TENM3: variants seen among roughly 807,000 people sequenced by gnomAD.
TENM3 encodes the protein teneurin-3.
In TENM3, 63 loss-of-function variants were observed where a neutral mutation model predicts 255.1. The observed-to-expected ratio is 0.25, with a 90% CI of 0.20 to 0.30. The LOEUF (loss-of-function observed/expected upper bound fraction) is 0.30. TENM3 is among the 10% of genes least tolerant of loss of function. The pLI is 1.00. For missense variants in TENM3, 2,929 were observed against 3,461.1 expected (o/e 0.85, Z 3.86); for synonymous variants, 1,306 against 1,322.3 (o/e 0.99, Z 0.27).
At chr4:182,492,061 G>C (rs1352734430) in intron 3 of TENM3, among the ~76,000 whole-genome samples, 1 of 152,134 alleles carries the variant, frequency 6.6e-6, no homozygotes, top group African/African-American at 2.4e-5. Flanking sequence ...TGGGGACAGA[G>C]TATAGAAAAG....
the TENM3 span, among the ~76,000 whole-genome samples, chr4:181,724,295 G>C: frequency 4.6e-5 from 7 of 152,098 alleles, no homozygotes; most frequent in East Asian, 1.9e-4. Context: ...TCTTCAATTA[G>C]AGTAAAATCT....
chr4:181,664,494 A>T, the TENM3 span, among the ~76,000 whole-genome samples: 1 of 152,014 alleles, frequency 6.6e-6, no homozygotes, highest in African/African-American at 2.4e-5. Context: ...AACAAAACAA[A>T]AAAATAGAAT....
chr4:181,938,923 C>T, the TENM3 span, among the ~76,000 whole-genome samples: 1 of 152,160 alleles, frequency 6.6e-6, no homozygotes, highest in African/African-American at 2.4e-5. Context: ...CAATATAAAA[C>T]ATAAATGGTA....
At chr4:181,834,110 T>G in the TENM3 span, among the ~76,000 whole-genome samples, 1 of 149,112 alleles carries the variant, frequency 6.7e-6, no homozygotes, top group East Asian at 2.6e-4. Context: ...AAAAATAAAT[T>G]TGCTAAAAAA....
intron 3 of TENM3, among the ~76,000 whole-genome samples, chr4:182,483,071 G>A (rs1160697763): frequency 3.5e-5 from 4 of 115,170 alleles, no homozygotes; most frequent in Non-Finnish European, 8.2e-5. Flanking sequence ...TTTTCTTTAC[G>A]GAGCATATCA....
At chr4:182,407,456 G>A (rs913319257) in intron 3 of TENM3, among the ~76,000 whole-genome samples, 1 of 152,180 alleles carries the variant, frequency 6.6e-6, no homozygotes, top group Non-Finnish European at 1.5e-5. Flanking sequence ...ATGGCTAGTA[G>A]TAAGTAGTTC....
intron 3 of TENM3, among the ~76,000 whole-genome samples, chr4:182,356,685 CT>C (rs933377921): frequency 9.3e-5 from 14 of 150,854 alleles, no homozygotes; most frequent in Admixed American, 2.6e-4. Context: ...TCCCTGAAAA[CT>C]TTTTTTTTAA....
the TENM3 span, among the ~76,000 whole-genome samples, chr4:181,848,171 C>G: frequency 2.0e-5 from 3 of 152,072 alleles, no homozygotes; most frequent in Non-Finnish European, 4.4e-5. Flanking sequence ...AAAACTGAAG[C>G]GAATTAAGAA....
chr4:181,938,550 C>T, the TENM3 span, among the ~76,000 whole-genome samples: 3 of 152,100 alleles, frequency 2.0e-5, no homozygotes, highest in Non-Finnish European at 4.4e-5. Context: ...ACTTAGTAGC[C>T]GATAAAGGCC....
the TENM3 span, among the ~76,000 whole-genome samples, chr4:181,761,143 G>A: frequency 2.6e-5 from 4 of 151,926 alleles, no homozygotes; most frequent in East Asian, 1.9e-4. Flanking sequence ...AAGAGTTCAC[G>A]GTTTTATTGA....
chr4:181,617,597 C>T, the TENM3 span, among the ~76,000 whole-genome samples: 1 of 152,098 alleles, frequency 6.6e-6, no homozygotes, highest in African/African-American at 2.4e-5. Context: ...CTTTGTCTAC[C>T]ATGGTGATTA....
intron 3 of TENM3, among the ~76,000 whole-genome samples, chr4:182,423,506 T>A (rs1006165921): frequency 6.6e-6 from 1 of 152,150 alleles, no homozygotes; most frequent in African/African-American, 2.4e-5. Context: ...TCCTGAGACT[T>A]TAAAAATGGA....
At chr4:182,447,422 A>G (rs1430845836) in intron 3 of TENM3, among the ~76,000 whole-genome samples, 1 of 152,220 alleles carries the variant, frequency 6.6e-6, no homozygotes, top group Non-Finnish European at 1.5e-5. Context: ...ATATTCTTGT[A>G]GCATTGGGTA....
intron 3 of TENM3, among the ~76,000 whole-genome samples, chr4:182,463,206 G>A (rs2151403762): frequency 6.6e-6 from 1 of 152,044 alleles, no homozygotes; most frequent in South Asian, 2.1e-4. Context: ...TCTACTGAAA[G>A]TAATAGTCTT....
At chr4:182,075,580 A>G in the TENM3 span, among the ~76,000 whole-genome samples, 1 of 152,004 alleles carries the variant, frequency 6.6e-6, no homozygotes, top group Non-Finnish European at 1.5e-5. Flanking sequence ...CAACTCTCCA[A>G]CTTCTTCTGT....
chr4:182,165,990 G>A (rs1253726144), intron 1 of TENM3, among the ~76,000 whole-genome samples: 2 of 152,102 alleles, frequency 1.3e-5, no homozygotes, highest in Non-Finnish European at 2.9e-5. Flanking sequence ...GCATTAGCCA[G>A]GATGGTCTCG....
At chr4:182,688,137 C>CTGT (rs1167933105) in intron 11 of TENM3, 29 bp from the exon 12 acceptor site, 1 of 1,553,392 alleles carries the variant, frequency 6.4e-7, no homozygotes, top group African/African-American at 1.4e-5. Flanking sequence ...CTCTTCTCTC[C>CTGT]TGTTTTGTGT....
At chr4:182,189,150 T>G (rs1320626996) in intron 1 of TENM3, among the ~76,000 whole-genome samples, 1 of 152,134 alleles carries the variant, frequency 6.6e-6, no homozygotes, top group Non-Finnish European at 1.5e-5. Context: ...GAGTTATCAG[T>G]GCTATTCATC....
At chr4:181,575,961 T>A in the TENM3 span, among the ~76,000 whole-genome samples, 1 of 112,818 alleles carries the variant, frequency 8.9e-6, no homozygotes, top group African/African-American at 4.4e-5. Flanking sequence ...CTTTGTTAGG[T>A]TTTTTGTATA....
Sources: allele counts gnomAD v4.1 joint callset (sites outside exome capture counted in the v4.1 genomes callset), GRCh38; gene constraint gnomAD v4.1.1; transcripts MANE v1.5; gene names NCBI Gene and HGNC (gene_info 2026-07-23, HGNC 2026-07-21).